MARCHF10: variants seen among roughly 807,000 people sequenced by gnomAD.
MARCHF10 encodes membrane associated ring-CH-type finger 10.
Under a neutral mutation model 76.2 loss-of-function variants are expected in MARCHF10, and 64 were observed. That is an observed-to-expected ratio of 0.84 (90% confidence interval 0.69 to 1.03). The LOEUF (loss-of-function observed/expected upper bound fraction) is 1.03, where lower values mean the gene tolerates loss of function less well. MARCHF10 is among the 50% of genes least tolerant of loss of function. MARCHF10 has a pLI of 0.00. For missense variants in MARCHF10, 875 were observed against 958.0 expected (o/e 0.91, Z 1.14); for synonymous variants, 340 against 357.5 (o/e 0.95, Z 0.55).
intron 10 of MARCHF10, among the ~76,000 whole-genome samples, chr17:62,703,632 C>G (rs373952274): frequency 6.6e-6 from 1 of 152,216 alleles, no homozygotes; most frequent in Non-Finnish European, 1.5e-5. Context: ...ACCTTGGGGC[C>G]GAGAGCGGCA....
chr17:62,713,822 G>T (rs2147621950), intron 8 of MARCHF10, among the ~76,000 whole-genome samples: 1 of 152,220 alleles, frequency 6.6e-6, no homozygotes, highest in East Asian at 1.9e-4. Flanking sequence ...AATGGGGGTG[G>T]CATTAATAGG....
At chr17:62,731,668 T>C (rs547670313) in intron 6 of MARCHF10, among the ~76,000 whole-genome samples, 1 of 152,334 alleles carries the variant, frequency 6.6e-6, no homozygotes, top group East Asian at 1.9e-4. Flanking sequence ...CGCTAACGTG[T>C]AGAACTTTCC....
chr17:62,711,233 T>G lies in MARCHF10; in HGVS notation c.2326A>C (p.Arg776=), dbSNP rs755354890. Residue 776 remains arginine, a splice_region_variant and synonymous_variant, in exon 9 of 11, where the codon AGG becomes CGG. Transcript: ENST00000311269. This position sits in a 1 kb window ranked among gnomAD's most constrained non-coding sequence, Gnocchi z 4.4. The part of the protein sequence containing the change: ...RLNHNQVERE[R]LSRNYPQPRT... ...CTCTGGGTCACAGCCAGACTTACCCTCTCTCTTTCCACCTGGTTGTGGTTG... is the reference window on the plus strand; with the variant it reads ...CTCTGGGTCACAGCCAGACTTACCCGCTCTCTTTCCACCTGGTTGTGGTTG... 6.2e-7 allele frequency: 1 copy of G among 1,613,716 alleles called. No individual in the cohort carries two copies. Among genetic ancestry groups the G allele is most frequent in the Admixed American group, 1.7e-5 (1 of 60,002 alleles).
chr17:62,722,277 C>CA (rs57370093), intron 8 of MARCHF10, among the ~76,000 whole-genome samples: 2,806 of 77,682 alleles, frequency 0.036, 101 homozygotes, highest in East Asian at 0.19. Flanking sequence ...GACTCTGTCT[C>CA]AAAAAAAAAA....
chr17:62,741,018 T>C (rs1267083212), intron 5 of MARCHF10, among the ~76,000 whole-genome samples: 1 of 152,232 alleles, frequency 6.6e-6, no homozygotes, highest in African/African-American at 2.4e-5. Context: ...GTTATGCATC[T>C]GTCCTGCTAT....
intron 3 of MARCHF10, among the ~76,000 whole-genome samples, chr17:62,763,080 G>C (rs1417962372): frequency 6.6e-6 from 1 of 152,172 alleles, no homozygotes; most frequent in African/African-American, 2.4e-5. Context: ...GTGGTTTTGT[G>C]AGGATTACAT....
chr17:62,714,961 G>A (rs1413558631), intron 8 of MARCHF10, among the ~76,000 whole-genome samples: 1 of 152,134 alleles, frequency 6.6e-6, no homozygotes, highest in Non-Finnish European at 1.5e-5. Flanking sequence ...TGGCCAGGCT[G>A]GTCTCCAACT....
intron 2 of MARCHF10, among the ~76,000 whole-genome samples, chr17:62,793,718 T>TC (rs1186928261): frequency 1.2e-5 from 1 of 85,462 alleles, no homozygotes; most frequent in East Asian, 4.1e-4. Flanking sequence ...CACCATCATC[T>TC]CCATCACCAC....
At chr17:62,747,027 T>G (rs1270009753) in intron 4 of MARCHF10, 2 of 1,344,102 alleles carry the variant, frequency 1.5e-6, no homozygotes, top group Non-Finnish European at 2.1e-6. Flanking sequence ...TGGCCTTTAG[T>G]GTTTAAATAT....
At chr17:62,792,751 TCAC>T (rs761682679) in intron 2 of MARCHF10, among the ~76,000 whole-genome samples, 1,419 of 67,752 alleles carry the variant, frequency 0.021, 20 homozygotes, top group East Asian at 0.072. Flanking sequence ...ACCACCTCCA[TCAC>T]CACCACCACC....
chr17:62,716,862 A>G (rs1599070462), intron 8 of MARCHF10, among the ~76,000 whole-genome samples: 2 of 152,040 alleles, frequency 1.3e-5, no homozygotes, highest in East Asian at 1.9e-4. Flanking sequence ...AAGTGGTGCC[A>G]CTTCTCCAGA....
At chr17:62,769,568 C>A (rs1291907501) in intron 3 of MARCHF10, among the ~76,000 whole-genome samples, 1 of 152,146 alleles carries the variant, frequency 6.6e-6, no homozygotes, top group East Asian at 1.9e-4. Context: ...TGCACGCCAA[C>A]ATGCCTGGCT....
In MARCHF10 at chr17:62,725,012, C is replaced by T. The variant is rs777118086; in HGVS notation, c.2030G>A (p.Cys677Tyr). 9.3e-6 allele frequency: 15 copies of T among 1,611,046 alleles called. No individual in the cohort carries two copies. Among genetic ancestry groups the T allele is most frequent in the Non-Finnish European group, 1.3e-5 (15 of 1,178,894 alleles). The change falls in exon 7 of 11, where the codon TGC becomes TAC. Residue 677 changes from cysteine to tyrosine, a missense_variant. Cys to Tyr is a radical substitution (Grantham distance 194). Coordinates refer to ENST00000311269, the MANE Select transcript of MARCHF10 (RefSeq NM_152598.4). ...GSPSNPLLEPCGCVGSLQFVH... is the reference protein window; with the variant it reads ...GSPSNPLLEPYGCVGSLQFVH... ...AAACTGCAGGCTTCCCACACAGCCG[C>T]AAGGCTCCAGGAGGGGGTTGCTTGG...
At chr17:62,775,599 T>A (rs1440382733) in intron 3 of MARCHF10, among the ~76,000 whole-genome samples, 1 of 151,868 alleles carries the variant, frequency 6.6e-6, no homozygotes, top group African/African-American at 2.4e-5. Context: ...TTTTTTATTT[T>A]TAAATTTAAA....
At chr17:62,801,190 G>A (rs1365093972) in intron 2 of MARCHF10, among the ~76,000 whole-genome samples, 5 of 151,994 alleles carry the variant, frequency 3.3e-5, no homozygotes, top group East Asian at 1.9e-4. Flanking sequence ...GAGGAGTCTC[G>A]CTGTGTTGCC....
At chr17:62,787,396 T>C (rs1289206027) in intron 3 of MARCHF10, among the ~76,000 whole-genome samples, 1 of 152,090 alleles carries the variant, frequency 6.6e-6, no homozygotes, top group Non-Finnish European at 1.5e-5. Flanking sequence ...TCAGGATCCA[T>C]GCCATTGATA....
intron 8 of MARCHF10, among the ~76,000 whole-genome samples, chr17:62,716,953 G>A (rs2090236250): frequency 6.6e-6 from 1 of 152,160 alleles, no homozygotes; most frequent in Admixed American, 6.5e-5. Context: ...CGAGGGGAAG[G>A]GACCAGGCCC....
chr17:62,757,506 T>G (rs1485921212), intron 4 of MARCHF10, among the ~76,000 whole-genome samples: 1 of 152,242 alleles, frequency 6.6e-6, no homozygotes, highest in Non-Finnish European at 1.5e-5. Context: ...CATGTCTCAG[T>G]TCTCATTTCA....
intron 3 of MARCHF10, among the ~76,000 whole-genome samples, chr17:62,764,471 C>T (rs1398147718): frequency 3.3e-5 from 5 of 152,182 alleles, no homozygotes; most frequent in Admixed American, 2.0e-4. Context: ...TAGTGTCAAG[C>T]TGGCGCCAGA....
Sources: gnomAD v4.1 joint callset for allele counts (sites outside exome capture counted in the v4.1 genomes callset) on GRCh38, gnomAD v4.1.1 for gene constraint, Gnocchi (gnomAD v3.1) non-coding constraint, MANE v1.5 for transcripts, NCBI Gene and HGNC (gene_info 2026-07-23, HGNC 2026-07-21) for gene names.